The following TAFA2 variants were observed in gnomAD, a reference collection of about 807,000 sequenced individuals.
TAFA2 encodes the protein chemokine-like protein TAFA-2.
A neutral mutation model predicts 18.8 loss-of-function variants in TAFA2; 7 were observed. The observed-to-expected ratio is 0.37, with a 90% CI of 0.21 to 0.70. TAFA2 has a LOEUF of 0.70. Among genes scored for constraint, TAFA2 ranks in the 30% least tolerant of loss-of-function variants. TAFA2 has a pLI of 0.53. For synonymous variants in TAFA2, 60 were observed against 54.2 expected, an observed-to-expected ratio of 1.11 and a Z score of -0.47; for missense variants, 122 against 158.1, an observed-to-expected ratio of 0.77 and a Z score of 1.23.
At chr12:62,208,622 T>C (rs2062701493) in intron 1 of TAFA2, among the ~76,000 whole-genome samples, 1 of 33,046 alleles carries the variant, frequency 3.0e-5, no homozygotes, top group Admixed American at 2.3e-4. Context: ...ATTCCAAATT[T>C]ATCAGGAAAT....
intron 1 of TAFA2, chr12:61,878,290 C>T (rs947697429): frequency 3.1e-5 from 9 of 288,510 alleles, no homozygotes; most frequent in Non-Finnish European, 6.2e-5. Flanking sequence ...AAAATGGCTA[C>T]AATGGTAAAC....
At chr12:61,960,378 G>C (rs796920205) in intron 1 of TAFA2, among the ~76,000 whole-genome samples, 4 of 152,032 alleles carry the variant, frequency 2.6e-5, no homozygotes, top group African/African-American at 9.6e-5. Flanking sequence ...AACACAAACT[G>C]TGTCTAATTA....
intron 2 of TAFA2, among the ~76,000 whole-genome samples, chr12:61,851,977 G>A (rs539650006): frequency 6.6e-6 from 1 of 151,758 alleles, no homozygotes; most frequent in South Asian, 2.1e-4. Flanking sequence ...GGAGGCCGAG[G>A]GGGGCAGAGC....
intron 1 of TAFA2, among the ~76,000 whole-genome samples, chr12:62,044,162 T>C (rs1881845818): frequency 6.6e-6 from 1 of 152,126 alleles, no homozygotes; most frequent in Non-Finnish European, 1.5e-5. Flanking sequence ...AAAAGTATTT[T>C]TTTAAGATAC....
intron 1 of TAFA2, among the ~76,000 whole-genome samples, chr12:61,949,220 A>T (rs1165273926): frequency 1.3e-5 from 2 of 152,150 alleles, no homozygotes; most frequent in African/African-American, 4.8e-5. Context: ...GTAAGAGGGA[A>T]CATGTTCTGC....
chr12:61,925,972 A>G (rs1234877780), intron 1 of TAFA2, among the ~76,000 whole-genome samples: 2 of 152,210 alleles, frequency 1.3e-5, no homozygotes, highest in African/African-American at 4.8e-5. Context: ...ATAAAGAAGA[A>G]AAAAGAGAAG....
intron 1 of TAFA2, among the ~76,000 whole-genome samples, chr12:62,229,968 G>A (rs1315479404): frequency 6.6e-6 from 1 of 151,850 alleles, no homozygotes; most frequent in Non-Finnish European, 1.5e-5. Flanking sequence ...TAGGTTATAT[G>A]TGTCCATAAA....
In TAFA2 at chr12:61,798,872, A is replaced by G. The variant is rs147214135; in HGVS notation, c.107-43848T>C. On this transcript the variant is annotated intron_variant, in intron 2 of 4. Transcript: ENST00000416284. ...AAAATGTTCTATAGAATGTTATCTA[A>G]GATAATTGATTACATAATCTTTCAG... 5.9e-3 allele frequency among the ~76,000 whole-genome samples: 893 copies of G among 152,364 alleles called. 9 individuals carry two copies. Among genetic ancestry groups the G allele is most frequent in the African/African-American group, 0.02 (833 of 41,586 alleles).
chr12:62,014,635 A>G (rs1254226963), intron 1 of TAFA2, among the ~76,000 whole-genome samples: 1 of 152,206 alleles, frequency 6.6e-6, no homozygotes, highest in Non-Finnish European at 1.5e-5. Context: ...CTGTCTCAAA[A>G]AAATAAAAAA....
chr12:62,213,939 A>G (rs2136974616), intron 1 of TAFA2, among the ~76,000 whole-genome samples: 1 of 152,350 alleles, frequency 6.6e-6, no homozygotes, highest in Admixed American at 6.5e-5. Flanking sequence ...ACAAACAAAC[A>G]AAAAACTATT....
intron 1 of TAFA2, among the ~76,000 whole-genome samples, chr12:62,182,183 A>G (rs1322466553): frequency 6.6e-6 from 1 of 152,230 alleles, no homozygotes; most frequent in East Asian, 1.9e-4. Flanking sequence ...TGAAATAAAC[A>G]TCTCTTCAAA....
intron 1 of TAFA2, among the ~76,000 whole-genome samples, chr12:62,218,681 T>C (rs1412723317): frequency 6.6e-6 from 1 of 152,210 alleles, no homozygotes; most frequent in Non-Finnish European, 1.5e-5. Flanking sequence ...AATCTATGAA[T>C]GAAATAGATG....
chr12:62,153,075 T>A (rs2062340509), intron 1 of TAFA2, among the ~76,000 whole-genome samples: 1 of 152,154 alleles, frequency 6.6e-6, no homozygotes, highest in Non-Finnish European at 1.5e-5. Context: ...GAATACAATG[T>A]CTAATTCCCA....
intron 1 of TAFA2, among the ~76,000 whole-genome samples, chr12:62,124,771 A>G (rs1870379915): frequency 6.6e-6 from 1 of 152,184 alleles, no homozygotes. Flanking sequence ...CGTCAAATAC[A>G]CAGGGAATTG....
intron 1 of TAFA2, among the ~76,000 whole-genome samples, chr12:61,918,286 TC>T (rs1222443078): frequency 6.6e-6 from 1 of 151,984 alleles, no homozygotes; most frequent in East Asian, 1.9e-4. Context: ...TCATTAACCA[TC>T]CCCCCTTTTC....
intron 2 of TAFA2, among the ~76,000 whole-genome samples, chr12:61,763,402 C>T (rs1325976272): frequency 7.2e-5 from 11 of 151,976 alleles, no homozygotes; most frequent in South Asian, 2.1e-4. Flanking sequence ...TAAGAGAAAG[C>T]GACAAAACAA....
intron 1 of TAFA2, among the ~76,000 whole-genome samples, chr12:62,041,542 C>T (rs348680): frequency 0.82 from 124,521 of 152,170 alleles, 51,152 homozygotes; most frequent in Middle Eastern, 0.88. Context: ...TCAGAGTTTA[C>T]TGCTGACAAA....
At chr12:61,754,813 TTC>T in intron 3 of TAFA2, 57 bp downstream of exon 3, 1 of 1,568,498 alleles carries the variant, frequency 6.4e-7, no homozygotes, top group Non-Finnish European at 8.7e-7. Flanking sequence ...TATAGTGGGG[TTC>T]TAGTTCTAAG....
At chr12:62,023,317 T>A (rs942391041) in intron 1 of TAFA2, among the ~76,000 whole-genome samples, 1 of 151,882 alleles carries the variant, frequency 6.6e-6, no homozygotes, top group Non-Finnish European at 1.5e-5. Flanking sequence ...GCATTTGCCT[T>A]GATTTATGCT....
Sources: gnomAD v4.1 joint callset for allele counts (sites outside exome capture counted in the v4.1 genomes callset) on GRCh38, gnomAD v4.1.1 for gene constraint, MANE v1.5 for transcripts, NCBI Gene and HGNC (gene_info 2026-07-23, HGNC 2026-07-21) for gene names.